The following NRG2 variants were observed in gnomAD, a reference collection of about 807,000 sequenced individuals.
NRG2 encodes the protein neuregulin 2, also known as pro-neuregulin-2, membrane-bound isoform.
NRG2 carries 27 observed loss-of-function variants against 73.9 expected under a neutral mutation model. The observed-to-expected ratio is 0.37, with a 90% CI of 0.27 to 0.50. The LOEUF (loss-of-function observed/expected upper bound fraction) is 0.50, where lower values mean the gene tolerates loss of function less well. NRG2 is among the 20% of genes least tolerant of loss of function. The pLI, the probability that NRG2 is intolerant of heterozygous loss-of-function variation, is 0.96. For missense variants in NRG2, 1,126 were observed against 1,210.1 expected, an observed-to-expected ratio of 0.93 and a Z score of 1.03; for synonymous variants, 532 against 541.0, an observed-to-expected ratio of 0.98 and a Z score of 0.23.
rs556867481 is a variant in NRG2, at chr5:139,848,114, C to G, written c.2356G>C (p.Gly786Arg). 7.5e-6 allele frequency: 11 copies of G among 1,471,436 alleles called. No individual in the cohort carries two copies. The highest frequency in any genetic ancestry group is 3.9e-5 in the South Asian group (3 of 77,774). The allele number at this position is 1,471,436 out of a possible 1,614,324, so 91.1% of individuals were successfully genotyped here. A position where few individuals can be genotyped will look rare whatever the true frequency, so the allele number is the denominator to read the frequency against. The change falls in exon 10 of 10, where the codon GGG becomes CGG. Residue 786 changes from glycine to arginine, a missense_variant. By Grantham distance (125) the Gly-to-Arg change is moderately radical. Around this residue, in one of 3 missense-constraint regions of NRG2, gnomAD observed 402 missense variants for 357.8 expected, o/e 1.12. Coordinates refer to ENST00000361474, the MANE Select transcript of NRG2 (RefSeq NM_004883.3). ...GGTGTGCTCTCGGCCGCCAGCGCCCCGTCCGCGTCGTCCGCGTCGTCGTCC... is the reference window on the plus strand; with the variant it reads ...GGTGTGCTCTCGGCCGCCAGCGCCCGGTCCGCGTCGTCCGCGTCGTCGTCC... ...ASDDDADDAD[G>R]ALAAESTPFL... is the part of the protein sequence containing the mutation.
rs1762623792 is a variant in NRG2, at chr5:139,868,381, C to T, written c.1113-2756G>A. ...ATCAACCAGGTTGGGAGTCTGAACT[C>T]AGCATTGGGGGCTGGGTGGTGGTTG... On this transcript the variant is annotated intron_variant, in intron 4 of 9. Transcript: ENST00000361474. The surrounding 1 kb of genome is among the most constrained non-coding windows in gnomAD (Gnocchi z 4.2). Among the ~76,000 whole-genome samples, 1 of 152,104 alleles carries T rather than the reference C, an allele frequency of 6.6e-6. No homozygotes were observed. Among genetic ancestry groups the T allele is most frequent in the Non-Finnish European group, 1.5e-5 (1 of 68,006 alleles).
intron 3 of NRG2, among the ~76,000 whole-genome samples, chr5:139,879,871 C>T (rs561232854): frequency 3.9e-5 from 6 of 152,228 alleles, no homozygotes; most frequent in South Asian, 2.1e-4. Context: ...GCTGGGAGGA[C>T]GGGGTGTCCC....
At chr5:139,918,924 G>C (rs1751462708) in intron 1 of NRG2, among the ~76,000 whole-genome samples, 1 of 152,134 alleles carries the variant, frequency 6.6e-6, no homozygotes, top group African/African-American at 2.4e-5. Flanking sequence ...AGGCCAGGAG[G>C]GAGCAAAACA....
rs555812054 is a variant in NRG2, at chr5:139,885,743, G to A, written c.872+1597C>T. 6.2e-4 allele frequency among the ~76,000 whole-genome samples: 94 copies of A among 152,038 alleles called. No individual in the cohort carries two copies. The South Asian group carries it at 0.012, about 20-fold the overall frequency. On this transcript the variant is annotated intron_variant, in intron 2 of 9. Transcript: ENST00000361474. ...GTGGTGGGGGGGAATGTGCGGGAGGGAGGGTGAGTATGAGTGTGTGGCACC... is the reference window on the plus strand; with the variant it reads ...GTGGTGGGGGGGAATGTGCGGGAGGAAGGGTGAGTATGAGTGTGTGGCACC...
At chr5:139,968,310 G>C (rs1755704293) in intron 1 of NRG2, among the ~76,000 whole-genome samples, 1 of 152,228 alleles carries the variant, frequency 6.6e-6, no homozygotes, top group African/African-American at 2.4e-5. Flanking sequence ...GGGCCTCCGT[G>C]GTGGGCCCGG....
intron 1 of NRG2, among the ~76,000 whole-genome samples, chr5:139,979,101 G>T (rs1756600777): frequency 9.3e-6 from 1 of 107,184 alleles, no homozygotes; most frequent in Admixed American, 1.2e-4. Flanking sequence ...GGGGGGAGGG[G>T]GGAGGGATAG....
intron 1 of NRG2, among the ~76,000 whole-genome samples, chr5:139,990,630 C>T (rs1757548885): frequency 6.6e-6 from 1 of 152,084 alleles, no homozygotes; most frequent in Admixed American, 6.5e-5. Flanking sequence ...TGAAGAGATC[C>T]TATGATTCTA....
intron 1 of NRG2, among the ~76,000 whole-genome samples, chr5:139,889,284 T>C (rs1333420290): frequency 6.6e-6 from 1 of 152,216 alleles, no homozygotes; most frequent in Non-Finnish European, 1.5e-5. Context: ...TGTGTATTTG[T>C]TTGTGTATAT....
chr5:140,036,393 C>T (rs1216132596), intron 1 of NRG2, among the ~76,000 whole-genome samples: 1 of 152,222 alleles, frequency 6.6e-6, no homozygotes, highest in Non-Finnish European at 1.5e-5. Context: ...CATCCTAATA[C>T]CTTTTAATCG....
rs778468615 is a variant in NRG2, at chr5:139,894,878, T to A, written c.701-7367A>T. 4.6e-5 allele frequency among the ~76,000 whole-genome samples: 7 copies of A among 152,078 alleles called. No homozygotes were observed. The highest frequency in any genetic ancestry group is 8.8e-5 in the Non-Finnish European group (6 of 68,016). On this transcript the variant is annotated intron_variant, in intron 1 of 9. Coordinates refer to ENST00000361474, the MANE Select transcript of NRG2 (RefSeq NM_004883.3). This position sits in a 1 kb window ranked among gnomAD's most constrained non-coding sequence, Gnocchi z 5.0. Reference sequence around the variant, plus strand: ...GCACCAGTGAAAACCAGCCTAGACCTGATGGGCTTTCAGCTCAGCAGCCCA... The same window carrying A: ...GCACCAGTGAAAACCAGCCTAGACCAGATGGGCTTTCAGCTCAGCAGCCCA...
intron 1 of NRG2, among the ~76,000 whole-genome samples, chr5:139,959,367 T>TTTTGTTTG (rs752005492): frequency 6.6e-6 from 1 of 151,376 alleles, no homozygotes; most frequent in South Asian, 2.1e-4. Flanking sequence ...ACCTGGCTAA[T>TTTTGTTTG]TTTGTTTGTT....
rs747326886 is a variant in NRG2 at position 139,904,365 on chromosome 5, G to A, written c.701-16854C>T. The A allele has an allele frequency of 8.8e-6, 14 of 1,586,810 alleles. No individual in the cohort carries two copies. In the Admixed American group the frequency reaches 2.0e-4, roughly 23 times the overall value. On this transcript the variant is annotated intron_variant, in intron 1 of 9. Coordinates refer to ENST00000361474, the MANE Select transcript of NRG2 (RefSeq NM_004883.3). This position sits in a 1 kb window ranked among gnomAD's most constrained non-coding sequence, Gnocchi z 6.0. The stretch of plus-strand genomic sequence containing the variant: ...TCCTCCCCTCTGGGTGCTTCTTGCC[G>A]CGGCCGCGGCCCCTCCTCCTGGACT...
At chr5:139,990,240 C>A (rs1757510262) in intron 1 of NRG2, among the ~76,000 whole-genome samples, 1 of 151,862 alleles carries the variant, frequency 6.6e-6, no homozygotes, top group African/African-American at 2.4e-5. Context: ...AATTGTTTGC[C>A]AAACTGTTCA....
chr5:139,963,031 A>G (rs17208017), intron 1 of NRG2, among the ~76,000 whole-genome samples: 6,982 of 152,292 alleles, frequency 0.046, 198 homozygotes, highest in Middle Eastern at 0.068. Context: ...TCCAGGTTCA[A>G]TCTCAACAGG....
At chr5:139,892,128 G>A (rs1764250303) in intron 1 of NRG2, among the ~76,000 whole-genome samples, 1 of 152,196 alleles carries the variant, frequency 6.6e-6, no homozygotes, top group Non-Finnish European at 1.5e-5. Context: ...AACCTTGTAG[G>A]AAAGTTCCTT....
In NRG2 at chr5:139,853,429, G is replaced by A. The variant is rs148726788; in HGVS notation, c.1293-402C>T. On this transcript the variant is annotated intron_variant, in intron 6 of 9. Transcript: ENST00000361474. The surrounding 1 kb of genome is among the most constrained non-coding windows in gnomAD (Gnocchi z 4.1). Reference sequence around the variant, plus strand: ...TCTCTCTCCCTCATTCATTAATTTGGTATGTATTGAGTTATCACTATGTGC... The same window carrying A: ...TCTCTCTCCCTCATTCATTAATTTGATATGTATTGAGTTATCACTATGTGC... Among the ~76,000 whole-genome samples the A allele has an allele frequency of 5.9e-5, 9 of 152,100 alleles. No individual in the cohort carries two copies. Among genetic ancestry groups the A allele is most frequent in the Non-Finnish European group, 1.2e-4 (8 of 68,036 alleles).
chr5:139,950,537 G>A (rs1159373102), intron 1 of NRG2, among the ~76,000 whole-genome samples: 1 of 152,228 alleles, frequency 6.6e-6, no homozygotes, highest in Non-Finnish European at 1.5e-5. Flanking sequence ...GTTTCCTGGA[G>A]AACCAGAGTA....
At chr5:139,892,838 G>C (rs1764301963) in intron 1 of NRG2, among the ~76,000 whole-genome samples, 1 of 152,194 alleles carries the variant, frequency 6.6e-6, no homozygotes, top group Admixed American at 6.5e-5. Context: ...GGGGTAGGCA[G>C]CAAGCTGATG....
At chr5:139,893,371 AT>A (rs1764342743) in intron 1 of NRG2, among the ~76,000 whole-genome samples, 1 of 152,080 alleles carries the variant, frequency 6.6e-6, no homozygotes, top group Admixed American at 6.5e-5. Context: ...GTTCATGCAT[AT>A]TTTCTCATGC....
Sources: allele counts gnomAD v4.1 joint callset (sites outside exome capture counted in the v4.1 genomes callset), GRCh38; gene constraint gnomAD v4.1.1; regional missense constraint gnomAD v4.1.1; non-coding constraint Gnocchi (gnomAD v3.1); transcripts MANE v1.5; gene names NCBI Gene and HGNC (gene_info 2026-07-23, HGNC 2026-07-21).